Variants in PTPRT observed in about 807,000 individuals in gnomAD.
PTPRT encodes protein tyrosine phosphatase receptor type T.
PTPRT carries 56 observed loss-of-function variants against 176.8 expected under a neutral mutation model. The ratio of observed to expected loss-of-function variants is 0.32; its 90% CI spans 0.26 to 0.40. PTPRT has a LOEUF of 0.40. PTPRT is among the 10% of genes least tolerant of loss of function. The pLI is 1.00. For synonymous variants in PTPRT, 783 were observed against 739.0 expected (o/e 1.06, Z -0.96); for missense variants, 1,540 against 1,908.2 (o/e 0.81, Z 3.60).
At chr20:42,378,608 C>T (rs899511724) in intron 9 of PTPRT, among the ~76,000 whole-genome samples, 5 of 152,088 alleles carry the variant, frequency 3.3e-5, no homozygotes, top group African/African-American at 7.2e-5. Context: ...GAGTATCTGT[C>T]GAATGAACAA....
In PTPRT at chr20:43,030,493, G is replaced by C. The variant is rs1031471068; in HGVS notation, c.89-144561C>G. Among the ~76,000 whole-genome samples, 89 of 145,300 alleles carry C rather than the reference G, an allele frequency of 6.1e-4. 1 individual carries two copies. The Admixed American group carries it at 6.2e-3, about 10-fold the overall frequency. The stretch of plus-strand genomic sequence containing the variant: ...TTCCAGTAGCCCAAAAGGGGGAAAG[G>C]GCATTTCAGAACAAAAAAAAAAAAA... On this transcript the variant is annotated intron_variant, in intron 1 of 30. Coordinates refer to ENST00000373187, the MANE Select transcript of PTPRT (RefSeq NM_007050.6).
In PTPRT at chr20:42,199,187, T is replaced by C. The variant is rs114528891; in HGVS notation, c.2491+53A>G. ...TGTGTGGGGTTCACAGCAGAAGTAC[T>C]AGGGCTGAGCTGGACCACGGATGTC... On this transcript the variant is annotated intron_variant, in intron 16 of 30. Transcript: ENST00000373187. 1,340 of 1,590,682 alleles carry C rather than the reference T, an allele frequency of 8.4e-4. 6 individuals are homozygous for C. In the African/African-American group the frequency reaches 0.016, roughly 19 times the overall value.
At chr20:42,382,396 G>C (rs528245349) in intron 9 of PTPRT, among the ~76,000 whole-genome samples, 1 of 152,152 alleles carries the variant, frequency 6.6e-6, no homozygotes, top group African/African-American at 2.4e-5. Context: ...CTGATCCCAG[G>C]AGAAATCCAC....
intron 11 of PTPRT, among the ~76,000 whole-genome samples, chr20:42,340,857 A>G (rs2058101584): frequency 2.0e-5 from 3 of 152,118 alleles, no homozygotes; most frequent in African/African-American, 2.4e-5. Flanking sequence ...AAGTTAGAGA[A>G]AAAGTAAGGA....
intron 17 of PTPRT, among the ~76,000 whole-genome samples, chr20:42,151,399 T>G (rs1162688965): frequency 6.6e-6 from 1 of 152,144 alleles, no homozygotes; most frequent in African/African-American, 2.4e-5. Context: ...CATGTGGTGT[T>G]TGCTTTTCTG....
chr20:42,169,598 C>G (rs1470028104), intron 16 of PTPRT, among the ~76,000 whole-genome samples: 2 of 152,030 alleles, frequency 1.3e-5, no homozygotes, highest in Non-Finnish European at 2.9e-5. Context: ...CCTCTATTTA[C>G]TGGCAAGCAA....
chr20:42,299,641 CTTTTTTTTTTTT>C (rs34045854), intron 12 of PTPRT, among the ~76,000 whole-genome samples: 1 of 85,994 alleles, frequency 1.2e-5, no homozygotes, highest in South Asian at 4.8e-4. Context: ...GAACTTTTGC[CTTTTTTTTTTTT>C]TTTTTTTTTT....
chr20:43,152,650 T>C (rs549786634), intron 1 of PTPRT, among the ~76,000 whole-genome samples: 2 of 152,236 alleles, frequency 1.3e-5, no homozygotes, highest in South Asian at 2.1e-4. Flanking sequence ...ATTCTTCCTC[T>C]GGACCTGTCA....
chr20:42,833,275 A>C (rs1340205446), intron 2 of PTPRT, among the ~76,000 whole-genome samples: 1 of 151,660 alleles, frequency 6.6e-6, no homozygotes, highest in African/African-American at 2.4e-5. Flanking sequence ...ATTAAAAGAA[A>C]AAAAAAAAAA....
intron 1 of PTPRT, among the ~76,000 whole-genome samples, chr20:42,918,597 AC>A (rs933941201): frequency 1.3e-5 from 2 of 151,000 alleles, no homozygotes; most frequent in Non-Finnish European, 3.0e-5. Context: ...CATTGCAACC[AC>A]CCCCCTTTTC....
chr20:42,468,955 G>GT (rs796103588), intron 8 of PTPRT, among the ~76,000 whole-genome samples: 7 of 152,254 alleles, frequency 4.6e-5, no homozygotes, highest in African/African-American at 1.7e-4. Context: ...CATCTACAGT[G>GT]TATTTCCCAC....
chr20:42,051,665 G>A, the PTPRT span, among the ~76,000 whole-genome samples: 1 of 152,134 alleles, frequency 6.6e-6, no homozygotes, highest in Admixed American at 6.5e-5. Flanking sequence ...GGGGGAGAGA[G>A]GCAAGAGACG....
Position 42,414,039 on chromosome 20 carries a change from C to G in PTPRT, c.1560+34181G>C, listed in dbSNP as rs181893067. On this transcript the variant is annotated intron_variant, in intron 9 of 30. Coordinates refer to ENST00000373187, the MANE Select transcript of PTPRT (RefSeq NM_007050.6). ...TATAGACGGAGTTTTGCCTTGTTGG[C>G]CAGGCTGGTCTTAAACTCCTAACCT... Among the ~76,000 whole-genome samples the G allele has an allele frequency of 2.2e-4, 33 of 152,194 alleles. No individual in the cohort carries two copies. In the East Asian group the frequency reaches 4.8e-3, roughly 22 times the overall value.
At chr20:42,232,494 C>A (rs2056153724) in intron 15 of PTPRT, among the ~76,000 whole-genome samples, 1 of 152,160 alleles carries the variant, frequency 6.6e-6, no homozygotes. Flanking sequence ...AGGGTCCACA[C>A]ACTGAAGAGT....
chr20:42,110,049 C>CT (rs747975893), intron 23 of PTPRT, among the ~76,000 whole-genome samples: 2,002 of 139,644 alleles, frequency 0.014, 34 homozygotes, highest in African/African-American at 0.04. Context: ...AGGACTTTTT[C>CT]TTTTTTTTTT....
chr20:42,190,796 A>C (rs1290786327), intron 16 of PTPRT, among the ~76,000 whole-genome samples: 1 of 152,144 alleles, frequency 6.6e-6, no homozygotes, highest in African/African-American at 2.4e-5. Context: ...TTGTCTATGA[A>C]ATGGGAATAA....
chr20:42,719,955 C>A (rs2146227125), intron 6 of PTPRT, among the ~76,000 whole-genome samples: 2 of 152,292 alleles, frequency 1.3e-5, no homozygotes, highest in African/African-American at 2.4e-5. Context: ...CCAAAGGCCT[C>A]CGCCATGAAC....
intron 8 of PTPRT, among the ~76,000 whole-genome samples, chr20:42,461,371 A>C (rs62203545): frequency 6.6e-6 from 1 of 152,084 alleles, no homozygotes; most frequent in Non-Finnish European, 1.5e-5. Context: ...AAACAAATAA[A>C]TTAGCTGAGC....
At chr20:42,612,917 A>G (rs1486061829) in intron 7 of PTPRT, among the ~76,000 whole-genome samples, 1 of 152,198 alleles carries the variant, frequency 6.6e-6, no homozygotes, top group Non-Finnish European at 1.5e-5. Flanking sequence ...AGCAAGTTTC[A>G]AAACTGTATT....
Sources: allele counts gnomAD v4.1 joint callset (sites outside exome capture counted in the v4.1 genomes callset), GRCh38; gene constraint gnomAD v4.1.1; transcripts MANE v1.5; gene names NCBI Gene and HGNC (gene_info 2026-07-23, HGNC 2026-07-21).